The following SPAG17 variants were observed in gnomAD, a reference collection of about 807,000 sequenced individuals.
SPAG17 encodes sperm-associated antigen 17.
A neutral mutation model predicts 273.6 loss-of-function variants in SPAG17; 169 were observed. That is an observed-to-expected ratio of 0.62 (90% CI 0.55 to 0.70). The LOEUF (loss-of-function observed/expected upper bound fraction) is 0.70. SPAG17 is among the 30% of genes least tolerant of loss of function. The pLI, the probability that SPAG17 is intolerant of heterozygous loss-of-function variation, is 0.00. For missense variants in SPAG17, 2,557 were observed against 2,627.8 expected (o/e 0.97, Z 0.59); for synonymous variants, 825 against 873.2 (o/e 0.94, Z 0.97).
Position 118,086,055 on chromosome 1 carries a change from A to T in SPAG17, c.1629T>A (p.Asp543Glu), listed in dbSNP as rs1463825524. 6.2e-7 allele frequency: 1 copy of T among 1,613,342 alleles called. No individual in the cohort carries two copies. The highest frequency in any genetic ancestry group is 1.7e-5 in the Admixed American group (1 of 59,776). ...GCATCTCCTGCTCAATTTGAACTGG[A>T]TCAAAATTCTTTTGGTCCTGATGAA... ...KYALQDQKNF[D>E]PVQIEQEMQS... The change falls in exon 13 of 49, where the codon GAT becomes GAA. Residue 543 changes from aspartate to glutamate, a missense_variant. Coordinates refer to ENST00000336338, the MANE Select transcript of SPAG17 (RefSeq NM_206996.4).
chr1:118,100,834 A>G (rs1656019195), intron 5 of SPAG17, among the ~76,000 whole-genome samples: 1 of 152,214 alleles, frequency 6.6e-6, no homozygotes, highest in Admixed American at 6.5e-5. Context: ...AGAAACTAAA[A>G]TGAAAGAAAA....
At chr1:118,097,227 C>CAAA (rs5777334) in intron 7 of SPAG17, among the ~76,000 whole-genome samples, 1 of 129,778 alleles carries the variant, frequency 7.7e-6, no homozygotes, top group Non-Finnish European at 1.6e-5. Flanking sequence ...AAGACTGTCT[C>CAAA]AAAAAAAAAA....
intron 34 of SPAG17, among the ~76,000 whole-genome samples, chr1:117,995,493 T>C (rs1657550981): frequency 6.6e-6 from 1 of 152,040 alleles, no homozygotes; most frequent in Non-Finnish European, 1.5e-5. Context: ...AGATGAATTC[T>C]TATTCTCCCA....
intron 46 of SPAG17, among the ~76,000 whole-genome samples, chr1:117,967,044 G>A (rs757928612): frequency 6.6e-6 from 1 of 152,110 alleles, no homozygotes; most frequent in Admixed American, 6.6e-5. Flanking sequence ...AAGTGGAACT[G>A]AAGGCAAAAT....
chr1:118,157,584 C>A (rs1460499059), intron 1 of SPAG17, among the ~76,000 whole-genome samples: 4 of 152,150 alleles, frequency 2.6e-5, no homozygotes, highest in Admixed American at 2.6e-4. Context: ...CCTAAGCACC[C>A]CCTGCCAACA....
chr1:118,069,308 G>A (rs1653319630), intron 17 of SPAG17, among the ~76,000 whole-genome samples: 1 of 131,362 alleles, frequency 7.6e-6, no homozygotes, highest in Non-Finnish European at 1.6e-5. Flanking sequence ...GCATGCCACT[G>A]CACTCCAGCC....
chr1:118,075,921 G>GT (rs889487360), intron 15 of SPAG17, among the ~76,000 whole-genome samples: 28 of 151,656 alleles, frequency 1.8e-4, no homozygotes, highest in African/African-American at 5.1e-4. Flanking sequence ...TGCTTTGTTT[G>GT]TTTTTTTTAT....
intron 1 of SPAG17, among the ~76,000 whole-genome samples, chr1:118,167,794 G>A (rs963340228): frequency 8.5e-5 from 13 of 152,140 alleles, no homozygotes; most frequent in African/African-American, 3.1e-4. Flanking sequence ...CGGTGTTGGA[G>A]GTGGGGCCTG....
chr1:117,954,132 A>G (rs1454576406), intron 48 of SPAG17, 83 bp from the exon 49 acceptor site: 1 of 1,555,778 alleles, frequency 6.4e-7, no homozygotes, highest in Admixed American at 1.8e-5. Flanking sequence ...TACAGTATCA[A>G]TAAAGGGAAT....
chr1:118,165,608 A>G (rs1660129412), intron 1 of SPAG17, among the ~76,000 whole-genome samples: 1 of 150,486 alleles, frequency 6.6e-6, no homozygotes, highest in Non-Finnish European at 1.5e-5. Flanking sequence ...TGACAGTTAC[A>G]GTAACAACAA....
intron 28 of SPAG17, among the ~76,000 whole-genome samples, chr1:118,021,501 A>T (rs1660494075): frequency 6.6e-6 from 1 of 152,206 alleles, no homozygotes; most frequent in Non-Finnish European, 1.5e-5. Context: ...CATGAGACAT[A>T]GAATGTACAA....
chr1:118,174,910 A>T (rs1227391206), intron 1 of SPAG17, among the ~76,000 whole-genome samples: 2 of 152,246 alleles, frequency 1.3e-5, no homozygotes, highest in Non-Finnish European at 2.9e-5. Flanking sequence ...AGTCCCAGGT[A>T]GTCAAGCCTC....
At chr1:117,987,337 C>A (rs1656536180) in intron 40 of SPAG17, among the ~76,000 whole-genome samples, 1 of 152,146 alleles carries the variant, frequency 6.6e-6, no homozygotes, top group African/African-American at 2.4e-5. Flanking sequence ...TGAAGTTATC[C>A]TGAAGAGAAG....
intron 25 of SPAG17, among the ~76,000 whole-genome samples, chr1:118,029,862 C>T (rs775057207): frequency 6.6e-6 from 1 of 151,898 alleles, no homozygotes; most frequent in African/African-American, 2.4e-5. Flanking sequence ...TTGTCACTAA[C>T]AGAGGAAAAA....
At chr1:118,066,174 T>C (rs1652945510) in intron 18 of SPAG17, among the ~76,000 whole-genome samples, 1 of 152,040 alleles carries the variant, frequency 6.6e-6, no homozygotes, top group African/African-American at 2.4e-5. Context: ...CAAATAATAC[T>C]GAAAATACAT....
At chr1:117,963,510 C>A (rs1412014249) in intron 48 of SPAG17, 1 of 178,528 alleles carries the variant, frequency 5.6e-6, no homozygotes, top group Admixed American at 5.7e-5. Context: ...ACTACAGGCA[C>A]CCGCCACCAC....
At chr1:118,165,078 A>G (rs1220643043) in intron 1 of SPAG17, among the ~76,000 whole-genome samples, 1 of 152,162 alleles carries the variant, frequency 6.6e-6, no homozygotes, top group Non-Finnish European at 1.5e-5. Flanking sequence ...CTGCCTGCCT[A>G]TGAAAACTTA....
intron 3 of SPAG17, among the ~76,000 whole-genome samples, chr1:118,126,128 A>T (rs1417596764): frequency 7.1e-6 from 1 of 141,596 alleles, no homozygotes; most frequent in African/African-American, 2.6e-5. Flanking sequence ...CTGATTAGTG[A>T]TGTTGAACAT....
At chr1:118,162,918 T>C (rs569219510) in intron 1 of SPAG17, among the ~76,000 whole-genome samples, 38 of 152,164 alleles carry the variant, frequency 2.5e-4, no homozygotes, top group Non-Finnish European at 4.9e-4. Flanking sequence ...TATTAACTAT[T>C]AGTGAAATCA....
Sources: allele counts gnomAD v4.1 joint callset (sites outside exome capture counted in the v4.1 genomes callset), GRCh38; gene constraint gnomAD v4.1.1; transcripts MANE v1.5; gene names NCBI Gene and HGNC (gene_info 2026-07-23, HGNC 2026-07-21).